The following TCHH variants were observed in gnomAD, a reference collection of about 807,000 sequenced individuals.
The protein encoded by TCHH is trichohyalin.
In TCHH, 6 loss-of-function variants were observed where a neutral mutation model predicts 6.3. The ratio of observed to expected loss-of-function variants is 0.95; its 90% CI spans 0.52 to 1.88. TCHH has a LOEUF of 1.88. TCHH is among the 40% of genes most tolerant of loss of function. The pLI is 0.01. For missense variants in TCHH, 2,920 were observed against 2,449.1 expected, an observed-to-expected ratio of 1.19 and a Z score of -4.06; for synonymous variants, 1,087 against 963.6, an observed-to-expected ratio of 1.13 and a Z score of -2.37.
In TCHH at chr1:152,107,486, G is replaced by GC; in HGVS notation, c.5730dup (p.Arg1911AlafsTer22). 1.2e-6 allele frequency: 2 copies of GC among 1,614,152 alleles called. No homozygotes were observed. The highest frequency in any genetic ancestry group is 1.7e-6 in the Non-Finnish European group (2 of 1,180,032). On this transcript the variant is annotated frameshift_variant, in exon 3 of 3. Transcript: ENST00000614923. LOFTEE classifies it high-confidence loss of function. The stretch of plus-strand genomic sequence containing the variant: ...TGATGAGTGCCGGGCTCCAGAAGCC[G>GC]CCCATGGCCCTTCCCTTCTTGGGAT...
Position 152,109,644 on chromosome 1 carries a change from C to A in TCHH, c.3573G>T (p.Arg1191Ser). ...GATACTGCCTCTCCCGCTCCTGGCG[C>A]CTTTTCTCCTGTTCCTCTCTCAGCA... ...EQLLREEQEK[R>S]RQERERQYRE... Residue 1191 changes from arginine (R) to serine (S), a missense_variant, in exon 3 of 3, where the codon AGG becomes AGT. Transcript: ENST00000614923. The A allele has an allele frequency of 6.2e-7, 1 of 1,609,844 alleles. No homozygotes were observed. The highest frequency in any genetic ancestry group is 8.5e-7 in the Non-Finnish European group (1 of 1,177,824).
At position 152,110,493 on chromosome 1, in the gene TCHH, C is replaced by A. The variant is rs919442981; in HGVS notation, c.2724G>T (p.Glu908Asp). The change falls in exon 3 of 3, where the codon GAG becomes GAT. Residue 908 changes from glutamate to aspartate, a missense_variant. Transcript: ENST00000614923. ...CCTCTCTCTGTAGCTCCTCCTCCTC[C>A]TCCTGCAGCAGCTGCTGTTCCTTCC... ...QLRKEQQLLQEEEEELQREER... is the reference protein window; with the variant it reads ...QLRKEQQLLQDEEEELQREER... 6.2e-7 allele frequency: 1 copy of A among 1,614,112 alleles called. No homozygotes were observed. Among genetic ancestry groups the A allele is most frequent in the Non-Finnish European group, 8.5e-7 (1 of 1,180,050 alleles).
chr1:152,107,814 T>C lies in TCHH; in HGVS notation c.5403A>G (p.Glu1801=). The C allele has an allele frequency of 1.2e-6, 2 of 1,613,646 alleles. No individual in the cohort carries two copies. Among genetic ancestry groups the C allele is most frequent in the Non-Finnish European group, 1.7e-6 (2 of 1,179,898 alleles). Residue 1801 remains glutamate, a synonymous_variant, in exon 3 of 3, where the codon GAA becomes GAG. Transcript: ENST00000614923. ...QESDRKFREE[E]QLRQEREEQQ... is the part of the protein sequence containing the mutation. ...GTTCTTCCCTCTCCTGGCGTAGCTG[T>C]TCCTCCTCGCGGAATTTTCTGTCAG...
At position 152,107,325 on chromosome 1, in the gene TCHH, G is replaced by T; in HGVS notation, c.*60C>A. The T allele has an allele frequency of 6.9e-7, 1 of 1,450,298 alleles. No homozygotes were observed. The highest frequency in any genetic ancestry group is 2.3e-5 in the East Asian group (1 of 43,498). The allele number at this position is 1,450,298 out of a possible 1,614,324, so 89.8% of individuals were successfully genotyped here. On this transcript the variant is annotated 3_prime_UTR_variant, in exon 3 of 3. Coordinates refer to ENST00000614923, the MANE Select transcript of TCHH (RefSeq NM_007113.4). ...CATCTGAGTTATCACTTGGTACCCA[G>T]TGTTTCTCATTTTCCCGTGCTCGAA...
At position 152,110,283 on chromosome 1, in the gene TCHH, C is replaced by A. The variant is rs372164059; in HGVS notation, c.2934G>T (p.Pro978=). 1 of 1,611,118 alleles carries A rather than the reference C, an allele frequency of 6.2e-7. No individual in the cohort carries two copies. Among genetic ancestry groups the A allele is most frequent in the East Asian group, 2.2e-5 (1 of 44,690 alleles). The change falls in exon 3 of 3, where the codon CCG becomes CCT. Residue 978 remains proline (P), a synonymous_variant. Transcript: ENST00000614923. ...QKEEQLLGEE[P]EKRRRQEREK... ...CCCGCTCCTGGCGCCTTCTCTTCTC[C>A]GGTTCCTCTCCCAGCAGCTGCTCTT...
chr1:152,108,288 T>C lies in TCHH; in HGVS notation c.4929A>G (p.Arg1643=). Residue 1643 remains arginine (R), a synonymous_variant, in exon 3 of 3, where the codon AGA becomes AGG. Coordinates refer to ENST00000614923, the MANE Select transcript of TCHH (RefSeq NM_007113.4). ...EQQLHRQERD[R]KFLEEEPQLR... is the part of the protein sequence containing the mutation. ...GCTGCGGTTCCTCCTCGAGGAATTT[T>C]CTGTCACGCTCTTGGCGGTGCAGCT... 9 of 1,613,054 alleles carry C rather than the reference T, an allele frequency of 5.6e-6. No individual in the cohort carries two copies. The highest frequency in any genetic ancestry group is 6.8e-6 in the Non-Finnish European group (8 of 1,179,690).
rs767690018 is a variant in TCHH, at chr1:152,107,348, G to C, written c.*37C>G. On this transcript the variant is annotated 3_prime_UTR_variant, in exon 3 of 3. Transcript: ENST00000614923. ...CAGTGTTTCTCATTTTCCCGTGCTC[G>C]AAGCTTTGGCAGGTGTCAAGATATT... 4.0e-5 allele frequency: 60 copies of C among 1,506,080 alleles called. No individual in the cohort carries two copies. Among genetic ancestry groups the C allele is most frequent in the Non-Finnish European group, 4.5e-5 (51 of 1,126,892 alleles). The allele number at this position is 1,506,080 out of a possible 1,614,324, so 93.3% of individuals were successfully genotyped here. A position where few individuals can be genotyped will look rare whatever the true frequency, so the allele number is the denominator to read the frequency against.
At position 152,113,040 on chromosome 1, in the gene TCHH, T is replaced by C. The variant is rs1658430334; in HGVS notation, c.177A>G (p.Glu59=). The change falls in exon 3 of 3, where the codon GAA becomes GAG. Residue 59 remains glutamate (E), a synonymous_variant. Coordinates refer to ENST00000614923, the MANE Select transcript of TCHH (RefSeq NM_007113.4). ...GCCCATTACTGTCAAGATCCAGAAGTTCCAGGATCAGATCTACCGTCTTAG... is the reference window on the plus strand; with the variant it reads ...GCCCATTACTGTCAAGATCCAGAAGCTCCAGGATCAGATCTACCGTCTTAG... ...HDPKTVDLIL[E]LLDLDSNGRV... 1.2e-6 allele frequency: 2 copies of C among 1,613,682 alleles called. No individual in the cohort carries two copies. The highest frequency in any genetic ancestry group is 1.7e-6 in the Non-Finnish European group (2 of 1,179,822).
At position 152,113,019 on chromosome 1, in the gene TCHH, A is replaced by T. The variant is rs771849180; in HGVS notation, c.198T>A (p.Asn66Lys). 1 of 1,614,046 alleles carries T rather than the reference A, an allele frequency of 6.2e-7. No homozygotes were observed. The highest frequency in any genetic ancestry group is 8.5e-7 in the Non-Finnish European group (1 of 1,180,002). Residue 66 changes from asparagine to lysine, a missense_variant, in exon 3 of 3, where the codon AAT becomes AAA. Asn to Lys is a moderately conservative substitution (Grantham distance 94). Transcript: ENST00000614923. ...GGAATTCGTTGAAATCGACACGCCC[A>T]TTACTGTCAAGATCCAGAAGTTCCA... is the stretch of plus-strand genomic sequence containing the variant. ...LILELLDLDS[N>K]GRVDFNEFLL...
chr1:152,109,685 G>A lies in TCHH; in HGVS notation c.3532C>T (p.Gln1178Ter), dbSNP rs1025408511. 2 of 1,606,200 alleles carry A rather than the reference G, an allele frequency of 1.2e-6. No individual in the cohort carries two copies. The highest frequency in any genetic ancestry group is 1.7e-6 in the Non-Finnish European group (2 of 1,176,494). ...TCTCTCAGCAGCTGCTCTTCCTCCT[G>A]CTGCAGCTCCTCTTCCTCGCGGTAT... ...RQYREEEELQQEEEQLLREEQ... is the reference protein window; with the variant it reads ...RQYREEEELQ Residue 1178 changes from glutamine (Q) to a stop codon, truncating the protein, a stop_gained, in exon 3 of 3, where the codon CAG becomes TAG. Coordinates refer to ENST00000614923, the MANE Select transcript of TCHH (RefSeq NM_007113.4). LOFTEE classifies it low-confidence loss of function (END_TRUNC).
chr1:152,113,991 C>T lies in TCHH; in HGVS notation c.90G>A (p.Lys30=), dbSNP rs1658449535. 4 of 1,613,970 alleles carry T rather than the reference C, an allele frequency of 2.5e-6. No individual in the cohort carries two copies. Among genetic ancestry groups the T allele is most frequent in the Non-Finnish European group, 3.4e-6 (4 of 1,179,938 alleles). The change falls in exon 2 of 3, where the codon AAG becomes AAA. Residue 30 remains lysine, a synonymous_variant. Coordinates refer to ENST00000614923, the MANE Select transcript of TCHH (RefSeq NM_007113.4). ...TTTCAAGGAGGTTCTTCAGGTCTTT[C>T]TTAGTTAATGCTGCTCCATCACAAT... ...SHDCDGAALT[K]KDLKNLLERE...
chr1:152,109,055 G>GT lies in TCHH; in HGVS notation c.4161dup (p.Arg1388ThrfsTer7). On this transcript the variant is annotated frameshift_variant, in exon 3 of 3. Coordinates refer to ENST00000614923, the MANE Select transcript of TCHH (RefSeq NM_007113.4). LOFTEE classifies it low-confidence loss of function (END_TRUNC). ...TCCTCCTTAAGGAATTTTCTCTCCC[G>GT]TTCCTGGCGGCGCAGCCGCTGTTCC... The GT allele has an allele frequency of 6.2e-7, 1 of 1,613,032 alleles. No homozygotes were observed. The highest frequency in any genetic ancestry group is 8.5e-7 in the Non-Finnish European group (1 of 1,179,832).
Position 152,110,658 on chromosome 1 carries a change from C to G in TCHH, c.2559G>C (p.Glu853Asp), listed in dbSNP as rs1337514725. The G allele has an allele frequency of 6.2e-7, 1 of 1,613,622 alleles. No homozygotes were observed. Among genetic ancestry groups the G allele is most frequent in the Non-Finnish European group, 8.5e-7 (1 of 1,179,942 alleles). Residue 853 changes from glutamate to aspartate, a missense_variant, in exon 3 of 3, where the codon GAG becomes GAC. By Grantham distance (45) the Glu-to-Asp change is conservative. Coordinates refer to ENST00000614923, the MANE Select transcript of TCHH (RefSeq NM_007113.4). The part of the protein sequence containing the change: ...RERAQQLQEE[E>D]DGLQEDQERR... ...TCTCCTGATCCTCCTGGAGGCCGTC[C>G]TCCTCCTCCTGGAGCTGTTGGGCAC...
In TCHH at chr1:152,108,344, C is replaced by T. The variant is rs199684586; in HGVS notation, c.4873G>A (p.Glu1625Lys). 6 of 1,608,352 alleles carry T rather than the reference C, an allele frequency of 3.7e-6. No homozygotes were observed. The East Asian group carries it at 1.1e-4, about 30-fold the overall frequency. Reference protein sequence around the residue: ...QERDRKFREDEQLLQEREEQQ... With the variant: ...QERDRKFREDKQLLQEREEQQ... ...TCTTCCCTTTCCTGGAGCAGCTGTT[C>T]GTCTTCGCGGAATTTTCTGTCGCGC... Residue 1625 changes from glutamate (E) to lysine (K), a missense_variant, in exon 3 of 3, where the codon GAA becomes AAA. Transcript: ENST00000614923.
In TCHH at chr1:152,107,309, T is replaced by C; in HGVS notation, c.*76A>G. ...TTCCCACAACCAGAAACATCTGAGTTATCACTTGGTACCCAGTGTTTCTCA... is the reference window on the plus strand; with the variant it reads ...TTCCCACAACCAGAAACATCTGAGTCATCACTTGGTACCCAGTGTTTCTCA... On this transcript the variant is annotated 3_prime_UTR_variant, in exon 3 of 3. Coordinates refer to ENST00000614923, the MANE Select transcript of TCHH (RefSeq NM_007113.4). 1 of 1,374,642 alleles carries C rather than the reference T, an allele frequency of 7.3e-7. No individual in the cohort carries two copies. Among genetic ancestry groups the C allele is most frequent in the South Asian group, 1.6e-5 (1 of 63,034 alleles). The allele number at this position is 1,374,642 out of a possible 1,614,324, so 85.2% of individuals were successfully genotyped here.
rs904240823 is a variant in TCHH at position 152,108,472 on chromosome 1, C to T, written c.4745G>A (p.Arg1582His). The T allele has an allele frequency of 5.0e-6, 8 of 1,608,954 alleles. No homozygotes were observed. The South Asian group carries it at 7.7e-5, about 16-fold the overall frequency. The change falls in exon 3 of 3, where the codon CGT (arginine) becomes CAT (histidine). Residue 1582 changes from arginine to histidine, a missense_variant. By Grantham distance (29) the Arg-to-His change is conservative. Transcript: ENST00000614923. Reference protein sequence around the residue: ...LSRQERDRKFRLEEQKVRRQE... With the variant: ...LSRQERDRKFHLEEQKVRRQE... Reference sequence around the variant, plus strand: ...GCGGCGCACTTTCTGTTCCTCTAAACGGAATTTTCTGTCACGCTCTTGGCG... The same window carrying T: ...GCGGCGCACTTTCTGTTCCTCTAAATGGAATTTTCTGTCACGCTCTTGGCG...
Position 152,107,976 on chromosome 1 carries a change from T to TC in TCHH, c.5240dup (p.Ile1749AsnfsTer46), listed in dbSNP as rs1327932514. 1 of 1,612,592 alleles carries TC rather than the reference T, an allele frequency of 6.2e-7. No individual in the cohort carries two copies. Among genetic ancestry groups the TC allele is most frequent in the Non-Finnish European group, 8.5e-7 (1 of 1,179,716 alleles). ...GGAGCTGCTCTTCCTCTAGGATTTT[T>TC]CTGTAGCGTTCTTGGCGGCGCAGCT... On this transcript the variant is annotated frameshift_variant, in exon 3 of 3. Transcript: ENST00000614923. LOFTEE classifies it low-confidence loss of function (END_TRUNC).
At position 152,107,475 on chromosome 1, in the gene TCHH, C is replaced by A; in HGVS notation, c.5742G>T (p.Glu1914Asp). ...CACTGGCAAACTGATGAGTGCCGGG[C>A]TCCAGAAGCCGCCCATGGCCCTTCC... ...QEGKGHGRLLEPGTHQFASVP... is the reference protein window; with the variant it reads ...QEGKGHGRLLDPGTHQFASVP... Residue 1914 changes from glutamate to aspartate, a missense_variant, in exon 3 of 3, where the codon GAG (glutamate) becomes GAT (aspartate). Coordinates refer to ENST00000614923, the MANE Select transcript of TCHH (RefSeq NM_007113.4). The A allele has an allele frequency of 6.2e-7, 1 of 1,614,170 alleles. No individual in the cohort carries two copies. Among genetic ancestry groups the A allele is most frequent in the Non-Finnish European group, 8.5e-7 (1 of 1,180,006 alleles).
rs768648118 is a variant in TCHH at position 152,109,250 on chromosome 1, C to T, written c.3967G>A (p.Glu1323Lys). Residue 1323 changes from glutamate (E) to lysine (K), a missense_variant, in exon 3 of 3, where the codon GAG (glutamate) becomes AAG (lysine). By Grantham distance (56) the Glu-to-Lys change is moderately conservative. Coordinates refer to ENST00000614923, the MANE Select transcript of TCHH (RefSeq NM_007113.4). ...CGGCGTCTCTTCTCTTCTCTTTCCT[C>T]TCTCAGCAACTGCTTTTCCTCTTGG... Reference protein sequence around the residue: ...KSQEEKQLLREEREEKRRRQE... With the variant: ...KSQEEKQLLRKEREEKRRRQE... 4 of 1,614,248 alleles carry T rather than the reference C, an allele frequency of 2.5e-6. No individual in the cohort carries two copies. Among genetic ancestry groups the T allele is most frequent in the Admixed American group, 1.7e-5 (1 of 60,032 alleles).
Sources: gnomAD v4.1 joint callset for allele counts on GRCh38, gnomAD v4.1.1 for gene constraint, MANE v1.5 for transcripts, NCBI Gene and HGNC (gene_info 2026-07-23, HGNC 2026-07-21) for gene names.